Variants in HSDL2 observed in about 807,000 individuals in gnomAD.
HSDL2 encodes the protein hydroxysteroid dehydrogenase like 2, also known as hydroxysteroid dehydrogenase-like protein 2.
HSDL2 carries 27 observed loss-of-function variants against 46.3 expected under a neutral mutation model. The observed-to-expected ratio is 0.58, with a 90% confidence interval of 0.43 to 0.80. HSDL2 has a LOEUF of 0.80. HSDL2 is among the 30% of genes least tolerant of loss of function. The pLI, the probability that HSDL2 is intolerant of heterozygous loss-of-function variation, is 0.00. For missense variants in HSDL2, 451 were observed against 502.7 expected (o/e 0.90, Z 0.98); for synonymous variants, 153 against 163.6 (o/e 0.94, Z 0.50).
intron 10 of HSDL2, among the ~76,000 whole-genome samples, chr9:112,464,608 A>G (rs1311925712): frequency 6.6e-6 from 1 of 152,200 alleles, no homozygotes; most frequent in African/African-American, 2.4e-5. Flanking sequence ...CAGTGAAGCC[A>G]TTTTGTAGCT....
At chr9:112,405,343 C>A (rs1336768812) in intron 2 of HSDL2, among the ~76,000 whole-genome samples, 3 of 152,076 alleles carry the variant, frequency 2.0e-5, no homozygotes, top group Non-Finnish European at 2.9e-5. Context: ...GAGAGTGAGA[C>A]CCTGTCTGAA....
intron 2 of HSDL2, among the ~76,000 whole-genome samples, chr9:112,405,359 AAAAC>A (rs981638704): frequency 2.6e-5 from 4 of 152,324 alleles, no homozygotes; most frequent in African/African-American, 4.8e-5. Flanking sequence ...CTGAAAAACA[AAAAC>A]AAACAAACAA....
intron 1 of HSDL2, among the ~76,000 whole-genome samples, chr9:112,402,975 A>AACAC (rs1458210435): frequency 6.6e-6 from 1 of 151,728 alleles, no homozygotes; most frequent in African/African-American, 2.4e-5. Flanking sequence ...ACACACACAA[A>AACAC]ACACACACAC....
chr9:112,438,293 TG>T, intron 6 of HSDL2, 137 bp from the exon 7 acceptor site: 2 of 635,724 alleles, frequency 3.1e-6, no homozygotes, highest in Non-Finnish European at 4.7e-6. Context: ...TTAAGCAATC[TG>T]GACTTTGTTT....
intron 8 of HSDL2, among the ~76,000 whole-genome samples, chr9:112,450,360 TGGCTCATGCC>T (rs1832856047): frequency 6.6e-6 from 1 of 151,668 alleles, no homozygotes; most frequent in Non-Finnish European, 1.5e-5. Context: ...CCAGGTGCCG[TGGCTCATGCC>T]TGTAATCCCA....
chr9:112,419,915 T>C (rs1425905950), intron 6 of HSDL2, among the ~76,000 whole-genome samples: 1 of 152,224 alleles, frequency 6.6e-6, no homozygotes, highest in Non-Finnish European at 1.5e-5. Context: ...GTCTTTCTTA[T>C]AGGTTCTTAC....
chr9:112,457,632 A>G (rs7846834), intron 9 of HSDL2, among the ~76,000 whole-genome samples: 145,515 of 152,262 alleles, frequency 0.96, 69,598 homozygotes, highest in African/African-American at 0.98. Context: ...GCAACAGAGC[A>G]AGACCCTGTC....
intron 1 of HSDL2, among the ~76,000 whole-genome samples, chr9:112,401,326 T>C (rs893958230): frequency 6.6e-6 from 1 of 151,040 alleles, no homozygotes; most frequent in African/African-American, 2.4e-5. Context: ...GGTGTGGTAG[T>C]GCACGCCTGT....
intron 1 of HSDL2, among the ~76,000 whole-genome samples, chr9:112,394,578 T>C (rs1349945442): frequency 6.6e-6 from 1 of 152,188 alleles, no homozygotes; most frequent in Non-Finnish European, 1.5e-5. Flanking sequence ...CTCAAAATTT[T>C]TAGGACATAG....
chr9:112,464,594 T>C lies in HSDL2; in HGVS notation c.1144+5017T>C, dbSNP rs1414984812. Among the ~76,000 whole-genome samples the C allele has an allele frequency of 2.0e-5, 3 of 152,236 alleles. No individual in the cohort carries two copies. In the East Asian group the frequency reaches 5.8e-4, roughly 29 times the overall value. ...TGTATTGATTTTGTATCATTTGAATTAATCAGTGAAGCCATTTTGTAGCTG... is the reference window on the plus strand; with the variant it reads ...TGTATTGATTTTGTATCATTTGAATCAATCAGTGAAGCCATTTTGTAGCTG... On this transcript the variant is annotated intron_variant, in intron 10 of 10. Transcript: ENST00000398805.
At chr9:112,420,344 T>C (rs1025541858) in intron 6 of HSDL2, among the ~76,000 whole-genome samples, 3 of 151,768 alleles carry the variant, frequency 2.0e-5, no homozygotes, top group African/African-American at 7.3e-5. Context: ...TAAATGGCAA[T>C]CACATCGCAG....
At chr9:112,417,541 G>A (rs1832021149) in intron 5 of HSDL2, among the ~76,000 whole-genome samples, 1 of 150,326 alleles carries the variant, frequency 6.7e-6, no homozygotes, top group Admixed American at 6.6e-5. Context: ...AATGGTTTAA[G>A]GTAAATATGC....
chr9:112,434,541 C>G (rs1587953154), intron 6 of HSDL2, among the ~76,000 whole-genome samples: 2 of 152,286 alleles, frequency 1.3e-5, no homozygotes, highest in African/African-American at 4.8e-5. Flanking sequence ...CAGTCTGTAT[C>G]TTACAATGGA....
chr9:112,393,467 T>C (rs1439640768), intron 1 of HSDL2, among the ~76,000 whole-genome samples: 1 of 152,232 alleles, frequency 6.6e-6, no homozygotes, highest in African/African-American at 2.4e-5. Flanking sequence ...AATCGTTAAT[T>C]TGATTAGCTA....
intron 1 of HSDL2, among the ~76,000 whole-genome samples, chr9:112,387,800 A>C (rs1044827833): frequency 6.6e-6 from 1 of 152,210 alleles, no homozygotes; most frequent in Non-Finnish European, 1.5e-5. Context: ...AAAATACAGT[A>C]TCACATGTTC....
chr9:112,470,580 A>C lies in HSDL2; in HGVS notation c.*36A>C, dbSNP rs764731828. 3 of 1,104,078 alleles carry C rather than the reference A, an allele frequency of 2.7e-6. No individual in the cohort carries two copies. In the Admixed American group the frequency reaches 6.6e-5, roughly 24 times the overall value. 68.4% of individuals were successfully genotyped at this position (1,104,078 alleles called of 1,614,324 possible). On this transcript the variant is annotated 3_prime_UTR_variant, in exon 11 of 11. Transcript: ENST00000398805. ...AAAAAAAAAGTCGACTGCTATGCTC[A>C]AAAAGTAAAAAAAGCTCAACAGTTA...
intron 7 of HSDL2, among the ~76,000 whole-genome samples, chr9:112,440,053 G>A (rs2132672691): frequency 6.6e-6 from 1 of 152,348 alleles, no homozygotes; most frequent in Admixed American, 6.5e-5. Context: ...GAGAGATTGA[G>A]CCTTTGCCTA....
chr9:112,451,882 G>A (rs924262778), intron 8 of HSDL2, among the ~76,000 whole-genome samples: 2 of 152,164 alleles, frequency 1.3e-5, no homozygotes, highest in Non-Finnish European at 2.9e-5. Context: ...GGGTTGTGGA[G>A]TGGGCTTCTG....
chr9:112,420,350 C>T (rs1008053224), intron 6 of HSDL2, among the ~76,000 whole-genome samples: 1 of 151,804 alleles, frequency 6.6e-6, no homozygotes, highest in South Asian at 2.1e-4. Flanking sequence ...GCAATCACAT[C>T]GCAGAAAAGT....
Sources: allele counts gnomAD v4.1 joint callset (sites outside exome capture counted in the v4.1 genomes callset), GRCh38; gene constraint gnomAD v4.1.1; transcripts MANE v1.5; gene names NCBI Gene and HGNC (gene_info 2026-07-23, HGNC 2026-07-21).